APOL3: variants seen among roughly 807,000 people sequenced by gnomAD.
The protein encoded by APOL3 is TNF-inducible protein CG12-1.
APOL3 carries 14 observed loss-of-function variants against 11.6 expected under a neutral mutation model. The observed-to-expected ratio is 1.21, with a 90% CI of 0.80 to 1.89. APOL3 has a LOEUF of 1.89. APOL3 is among the 40% of genes most tolerant of loss of function. The pLI, the probability that APOL3 is intolerant of heterozygous loss-of-function variation, is 0.00. For synonymous variants in APOL3, 192 were observed against 190.6 expected, an observed-to-expected ratio of 1.01 and a Z score of -0.06; for missense variants, 483 against 492.1, an observed-to-expected ratio of 0.98 and a Z score of 0.17.
At chr22:36,142,249 GC>G (rs2060025015) in intron 2 of APOL3, among the ~76,000 whole-genome samples, 191 bp from the exon 4 acceptor site, 3 of 152,088 alleles carry the variant, frequency 2.0e-5, no homozygotes, top group Admixed American at 2.0e-4. Flanking sequence ...TCATAGATAT[GC>G]CACAGTACTT....
At chr22:36,165,589 T>C (rs537085212), upstream of APOL3, 10 of 152,330 alleles carry the variant, frequency 6.6e-5, no homozygotes, top group African/African-American at 2.4e-4. Flanking sequence ...TTTCAAACGA[T>C]GCTCATTTGA....
chr22:36,141,529 C>T, exon 3 of APOL3: 1 of 1,614,192 alleles, frequency 6.2e-7, no homozygotes, highest in Non-Finnish European at 8.5e-7. Context: ...GCACGGATTT[C>T]ACTCCCAATG....
chr22:36,146,703 G>A (rs993643956), intron 1 of APOL3, among the ~76,000 whole-genome samples: 9 of 152,000 alleles, frequency 5.9e-5, no homozygotes, highest in South Asian at 2.1e-4. Context: ...ACTGGTCAAC[G>A]CTACAAATGT....
exon 3 of APOL3, chr22:36,141,811 T>C (rs1603474388): frequency 1.2e-6 from 2 of 1,614,252 alleles, no homozygotes; most frequent in East Asian, 2.2e-5. Flanking sequence ...AGGGACATGA[T>C]GCCAGAGGCA....
chr22:36,156,636 C>T (rs982181786), intron 1 of APOL3: 2 of 222,334 alleles, frequency 9.0e-6, no homozygotes, highest in African/African-American at 4.4e-5. Context: ...ACCTTCCCCA[C>T]CATGTGCAAG....
intron 2 of APOL3, 39 bp downstream of exon 3, chr22:36,145,434 A>C (rs1204428488): frequency 6.2e-7 from 1 of 1,609,092 alleles, no homozygotes; most frequent in Non-Finnish European, 8.5e-7. Flanking sequence ...AGGATGGCAT[A>C]GCCGGGGCGC....
chr22:36,149,495 G>A, intron 1 of APOL3: 1 of 850,296 alleles, frequency 1.2e-6, no homozygotes, highest in Non-Finnish European at 1.7e-6. Context: ...CCTGGGCCTG[G>A]CAACATGTGT....
chr22:36,145,022 AAAAG>A (rs1439542101), intron 2 of APOL3, among the ~76,000 whole-genome samples: 1 of 86,154 alleles, frequency 1.2e-5, no homozygotes, highest in African/African-American at 6.1e-5. Context: ...AAAAAAAAAA[AAAAG>A]AAAAAAAAAG....
At chr22:36,144,078 C>T (rs1300672622) in intron 2 of APOL3, among the ~76,000 whole-genome samples, 1 of 152,120 alleles carries the variant, frequency 6.6e-6, no homozygotes, top group Non-Finnish European at 1.5e-5. Context: ...TCAGAATGCC[C>T]CAGTTCCCAG....
chr22:36,141,249 A>G (rs1344691413), exon 3 of APOL3: 2 of 1,614,076 alleles, frequency 1.2e-6, no homozygotes, highest in East Asian at 2.2e-5. Context: ...AGTGAGCTCC[A>G]TTAGATTCTC....
upstream of APOL3, chr22:36,165,265 T>A (rs373158286): frequency 2.8e-5 from 4 of 141,232 alleles, no homozygotes; most frequent in Non-Finnish European, 1.5e-5. Flanking sequence ...AAATTATTAA[T>A]CTAACTAACC....
intron 1 of APOL3, among the ~76,000 whole-genome samples, chr22:36,160,184 G>A (rs1370570536): frequency 6.6e-6 from 1 of 152,096 alleles, no homozygotes; most frequent in Non-Finnish European, 1.5e-5. Context: ...CGCCCAGCCA[G>A]GTTCCTTGTA....
exon 1 of APOL3, chr22:36,160,904 A>T (rs1463316820): frequency 3.1e-6 from 5 of 1,611,424 alleles, no homozygotes; most frequent in Non-Finnish European, 3.4e-6. Context: ...TTGGTCCAGC[A>T]GCACCCTTGG....
chr22:36,162,856 T>C (rs906445376), upstream of APOL3, among the ~76,000 whole-genome samples: 3 of 152,242 alleles, frequency 2.0e-5, no homozygotes, highest in Non-Finnish European at 2.9e-5. Context: ...TTTTAATATG[T>C]GCTTGATTTT....
chr22:36,142,245 A>T (rs1274738539), intron 2 of APOL3, among the ~76,000 whole-genome samples, 187 bp from the exon 4 acceptor site: 1 of 152,222 alleles, frequency 6.6e-6, no homozygotes, highest in Non-Finnish European at 1.5e-5. Flanking sequence ...TATATCATAG[A>T]TATGCCACAG....
intron 2 of APOL3, among the ~76,000 whole-genome samples, chr22:36,143,811 C>G (rs908516652): frequency 4.6e-5 from 7 of 152,194 alleles, no homozygotes; most frequent in Non-Finnish European, 1.0e-4. Context: ...CATGCCAATG[C>G]CATGTGCAAT....
intron 1 of APOL3, among the ~76,000 whole-genome samples, chr22:36,156,246 C>T (rs1402310620): frequency 6.6e-6 from 1 of 152,108 alleles, no homozygotes; most frequent in African/African-American, 2.4e-5. Flanking sequence ...AAGTGCATCA[C>T]TATGTCAGTC....
intron 1 of APOL3, among the ~76,000 whole-genome samples, chr22:36,156,452 G>T (rs1458260778): frequency 6.6e-6 from 1 of 152,096 alleles, no homozygotes; most frequent in Non-Finnish European, 1.5e-5. Context: ...CCCCTTAACT[G>T]GGCACACGGG....
exon 3 of APOL3, chr22:36,141,987 A>T: frequency 6.2e-7 from 1 of 1,614,198 alleles, no homozygotes; most frequent in Non-Finnish European, 8.5e-7. Context: ...TTTCTGCTGC[A>T]CATATTCGTC....
Sources: allele counts gnomAD v4.1 joint callset (sites outside exome capture counted in the v4.1 genomes callset), GRCh38; gene constraint gnomAD v4.1.1; transcripts MANE v1.5; gene names NCBI Gene and HGNC (gene_info 2026-07-23, HGNC 2026-07-21).